The following ULK2 variants were observed in gnomAD, a reference collection of about 807,000 sequenced individuals.
ULK2 encodes the protein serine/threonine-protein kinase ULK2.
ULK2 carries 76 observed loss-of-function variants against 127.5 expected under a neutral mutation model. The ratio of observed to expected loss-of-function variants is 0.60; its 90% CI spans 0.50 to 0.72. The LOEUF (loss-of-function observed/expected upper bound fraction) is 0.72. Ranked by LOEUF, ULK2 falls within the 30% of genes least tolerant of loss-of-function variation. ULK2 has a pLI of 0.00. For synonymous variants in ULK2, 452 were observed against 461.9 expected (o/e 0.98, Z 0.28); for missense variants, 1,144 against 1,295.9 (o/e 0.88, Z 1.80).
chr17:19,842,229 C>G (rs2041780544), intron 8 of ULK2, among the ~76,000 whole-genome samples: 1 of 123,908 alleles, frequency 8.1e-6, no homozygotes, highest in Non-Finnish European at 1.6e-5. Context: ...CAGAGTTTCG[C>G]TCTTGTTGCC....
chr17:19,826,147 A>G lies in ULK2; in HGVS notation c.827T>C (p.Val276Ala). Residue 276 changes from valine (V) to alanine (A), a missense_variant, in exon 11 of 27, where the codon GTA (valine) becomes GCA (alanine). Physicochemically the swap from Val to Ala is moderately conservative, Grantham distance 64. Around this residue, in one of 2 missense-constraint regions of ULK2, gnomAD observed 913 missense variants for 970.5 expected, o/e 0.94. Coordinates refer to ENST00000395544, the MANE Select transcript of ULK2 (RefSeq NM_014683.4). ...AAAAAATGGATACTCACATTTTTTT[A>G]CTGGACCTTGCTCAAGAAAAGGATG... Reference protein sequence around the residue: ...FSHPFLEQGPVKKSCPVPVPM... With the variant: ...FSHPFLEQGPAKKSCPVPVPM... 6.8e-7 allele frequency: 1 copy of G among 1,461,592 alleles called. No homozygotes were observed. Among genetic ancestry groups the G allele is most frequent in the Non-Finnish European group, 9.1e-7 (1 of 1,095,798 alleles). The allele number at this position is 1,461,592 out of a possible 1,614,324, so 90.5% of individuals were successfully genotyped here. A position where few individuals can be genotyped will look rare whatever the true frequency, so the allele number is the denominator to read the frequency against.
At chr17:19,783,976 A>G in intron 21 of ULK2, 71 bp from the exon 22 acceptor site, 1 of 1,271,326 alleles carries the variant, frequency 7.9e-7, no homozygotes, top group Non-Finnish European at 1.0e-6. Context: ...ACTCTTATTT[A>G]CTAAACAAAC....
intron 12 of ULK2, among the ~76,000 whole-genome samples, chr17:19,818,355 T>C (rs1048261736): frequency 1.8e-4 from 27 of 151,736 alleles, no homozygotes; most frequent in African/African-American, 6.3e-4. Context: ...TTCCATGTTA[T>C]CTAACTTTAG....
At chr17:19,807,582 T>C (rs2087540361) in intron 14 of ULK2, among the ~76,000 whole-genome samples, 1 of 152,052 alleles carries the variant, frequency 6.6e-6, no homozygotes, top group Non-Finnish European at 1.5e-5. Context: ...GAAAAATGCA[T>C]ATTCACTGGT....
At chr17:19,839,909 T>A (rs991482292) in intron 9 of ULK2, among the ~76,000 whole-genome samples, 3 of 151,826 alleles carry the variant, frequency 2.0e-5, no homozygotes, top group Non-Finnish European at 4.4e-5. Context: ...GACAATTCCA[T>A]TTCTAGGAGT....
At chr17:19,820,105 G>C (rs1484700640) in intron 12 of ULK2, among the ~76,000 whole-genome samples, 1 of 148,200 alleles carries the variant, frequency 6.7e-6, no homozygotes, top group African/African-American at 2.5e-5. Context: ...CTGGAGTGCA[G>C]TGGCGTGATC....
In ULK2 at chr17:19,774,211, A is replaced by G. The variant is rs1456063507; in HGVS notation, c.*2138T>C. 1 of 152,688 alleles carries G rather than the reference A, an allele frequency of 6.5e-6. No homozygotes were observed. Among genetic ancestry groups the G allele is most frequent in the Non-Finnish European group, 1.5e-5 (1 of 68,046 alleles). 9.5% of individuals were successfully genotyped at this position (152,688 alleles called of 1,614,324 possible). A position where few individuals can be genotyped will look rare whatever the true frequency, so the allele number is the denominator to read the frequency against. ...ATACTCAAGGCAAAATCTCTTAATT[A>G]GCCTTGATAATGGAAGTATAACCAG... On this transcript the variant is annotated 3_prime_UTR_variant, in exon 27 of 27. Coordinates refer to ENST00000395544, the MANE Select transcript of ULK2 (RefSeq NM_014683.4).
intron 26 of ULK2, 141 bp from the exon 27 acceptor site, chr17:19,776,548 G>T: frequency 1.3e-6 from 1 of 791,960 alleles, no homozygotes; most frequent in Non-Finnish European, 1.9e-6. Flanking sequence ...ATGACTTCTA[G>T]CTTAGTGCTG....
At chr17:19,809,836 C>T (rs894725461) in intron 14 of ULK2, among the ~76,000 whole-genome samples, 13 of 150,744 alleles carry the variant, frequency 8.6e-5, no homozygotes, top group Admixed American at 7.9e-4. Flanking sequence ...ACCCAGGAGG[C>T]GGTGGTTGCA....
rs1333097274 is a variant in ULK2 at position 19,818,322 on chromosome 17, C to CAAAA, written c.925-1406_925-1403dup. On this transcript the variant is annotated intron_variant, in intron 12 of 26. Transcript: ENST00000395544. ...TGGGCGACAGAGTGAGACTCCGTCT[C>CAAAA]AAAAAAAAAAAAAAAAAGAGCTTTC... Among the ~76,000 whole-genome samples the CAAAA allele has an allele frequency of 6.4e-5, 4 of 62,688 alleles. No homozygotes were observed. The East Asian group carries it at 1.3e-3, about 21-fold the overall frequency. The allele number at this position is 62,688 out of a possible 152,430, so 41.1% of individuals were successfully genotyped here.
intron 10 of ULK2, among the ~76,000 whole-genome samples, chr17:19,837,953 C>A (rs573851457): frequency 2.6e-5 from 4 of 152,284 alleles, no homozygotes; most frequent in African/African-American, 9.6e-5. Context: ...TAAATGGCTC[C>A]CATCACACTT....
rs918939021 is a variant in ULK2, at chr17:19,865,888, T to C, written c.91-60A>G. 8.6e-6 allele frequency: 9 copies of C among 1,040,680 alleles called. No individual in the cohort carries two copies. The African/African-American group carries it at 1.5e-4, about 17-fold the overall frequency. 64.5% of individuals were successfully genotyped at this position (1,040,680 alleles called of 1,614,324 possible). On this transcript the variant is annotated intron_variant, in intron 1 of 26. Coordinates refer to ENST00000395544, the MANE Select transcript of ULK2 (RefSeq NM_014683.4). The stretch of plus-strand genomic sequence containing the variant: ...ATTCCACATAAATAACAGAAAAAAA[T>C]TTACAAGCGCGAAGGTGTTTTTGGC...
intron 3 of ULK2, among the ~76,000 whole-genome samples, chr17:19,855,553 C>T (rs1040491448): frequency 7.2e-6 from 1 of 138,552 alleles, no homozygotes; most frequent in Non-Finnish European, 1.5e-5. Flanking sequence ...TGAGCCGAGA[C>T]TGTGCCATTG....
chr17:19,863,506 T>TG (rs1243943869), intron 3 of ULK2, among the ~76,000 whole-genome samples: 2 of 151,218 alleles, frequency 1.3e-5, no homozygotes, highest in Non-Finnish European at 3.0e-5. Flanking sequence ...GTTTTTTTTT[T>TG]TTTTTTTTTT....
chr17:19,824,828 A>G (rs1245973130), intron 12 of ULK2, among the ~76,000 whole-genome samples: 1 of 152,214 alleles, frequency 6.6e-6, no homozygotes, highest in African/African-American at 2.4e-5. Flanking sequence ...CATAGGGTAT[A>G]AGAAGGTGAT....
Position 19,781,882 on chromosome 17 carries a change from C to G in ULK2, c.2639+7G>C, listed in dbSNP as rs879211030. 6.2e-7 allele frequency: 1 copy of G among 1,610,248 alleles called. No homozygotes were observed. The highest frequency in any genetic ancestry group is 8.5e-7 in the Non-Finnish European group (1 of 1,178,038). ...AGTCTGGAAATGAATGACAAGGGGG[C>G]ACCCACCCCCAGTCTTTGCTCAGCT... On this transcript the variant is annotated splice_region_variant and intron_variant, in intron 23 of 26. Coordinates refer to ENST00000395544, the MANE Select transcript of ULK2 (RefSeq NM_014683.4).
At chr17:19,849,833 T>C (rs541760505) in intron 3 of ULK2, 59 bp from the exon 4 acceptor site, 2 of 1,028,838 alleles carry the variant, frequency 1.9e-6, no homozygotes, top group African/African-American at 1.7e-5. Context: ...AATTTAAAGA[T>C]AATGATAGTT....
intron 2 of ULK2, among the ~76,000 whole-genome samples, chr17:19,865,106 C>T (rs1037634742): frequency 9.2e-5 from 14 of 152,076 alleles, no homozygotes; most frequent in South Asian, 2.1e-4. Flanking sequence ...TTGAGGAAAT[C>T]GGGTGTTAAA....
rs567590752 is a variant in ULK2 at position 19,805,972 on chromosome 17, T to G, written c.1158-1142A>C. 6.6e-4 allele frequency among the ~76,000 whole-genome samples: 100 copies of G among 152,330 alleles called. 1 individual carries two copies. The highest frequency in any genetic ancestry group is 2.4e-3 in the African/African-American group (99 of 41,572). On this transcript the variant is annotated intron_variant, in intron 14 of 26. Coordinates refer to ENST00000395544, the MANE Select transcript of ULK2 (RefSeq NM_014683.4). The stretch of plus-strand genomic sequence containing the variant: ...GCTTCTATGAGCTCTCTCTATACAT[T>G]TTTATTTAGGTATTTCCATTTAGTA...
Sources: gnomAD v4.1 joint callset for allele counts (sites outside exome capture counted in the v4.1 genomes callset) on GRCh38, gnomAD v4.1.1 for gene constraint, gnomAD v4.1.1 regional missense constraint, MANE v1.5 for transcripts, NCBI Gene and HGNC (gene_info 2026-07-23, HGNC 2026-07-21) for gene names.